The following NLGN1 variants were observed in gnomAD, a reference collection of about 807,000 sequenced individuals.
NLGN1 encodes the protein neuroligin-1.
NLGN1 carries 12 observed loss-of-function variants against 65.5 expected under a neutral mutation model. That is an observed-to-expected ratio of 0.18 (90% CI 0.12 to 0.30). The LOEUF (loss-of-function observed/expected upper bound fraction) is 0.30. Ranked by LOEUF, NLGN1 falls within the 10% of genes least tolerant of loss-of-function variation. The pLI, the probability that NLGN1 is intolerant of heterozygous loss-of-function variation, is 1.00. For synonymous variants in NLGN1, 350 were observed against 359.5 expected (o/e 0.97, Z 0.30); for missense variants, 750 against 1,007.1 (o/e 0.74, Z 3.46).
At chr3:173,679,603 A>T (rs2149778524) in intron 3 of NLGN1, among the ~76,000 whole-genome samples, 1 of 152,270 alleles carries the variant, frequency 6.6e-6, no homozygotes, top group Admixed American at 6.5e-5. Context: ...TTCTCTATGA[A>T]TGTAAAATGA....
Position 173,453,100 on chromosome 3 carries a change from C to CTTT in NLGN1, c.-321+18032_-321+18034dup, listed in dbSNP as rs536453214. ...GTGGCTATGTAATTTCTTTTCTTTT[C>CTTT]TTTTTTTTTTTTGAGAAAGGGTCTC... On this transcript the variant is annotated intron_variant, in intron 2 of 6. Coordinates refer to ENST00000457714, the Ensembl canonical transcript of NLGN1. 2.1e-3 allele frequency among the ~76,000 whole-genome samples: 293 copies of CTTT among 141,708 alleles called. 1 individual carries two copies. The highest frequency in any genetic ancestry group is 7.0e-3 in the African/African-American group (272 of 38,944). 93.0% of individuals were successfully genotyped at this position (141,708 alleles called of 152,430 possible).
intron 3 of NLGN1, among the ~76,000 whole-genome samples, chr3:173,725,672 G>T (rs1771643954): frequency 6.6e-6 from 1 of 152,120 alleles, no homozygotes; most frequent in Non-Finnish European, 1.5e-5. Context: ...CATTTATTAT[G>T]TCAGTTTCTG....
chr3:174,034,269 A>G (rs1038743293), intron 4 of NLGN1, among the ~76,000 whole-genome samples: 1 of 152,046 alleles, frequency 6.6e-6, no homozygotes, highest in African/African-American at 2.4e-5. Context: ...ACAAACAAAA[A>G]CTGAATGAAT....
chr3:173,411,704 A>G (rs1253401879), intron 1 of NLGN1, among the ~76,000 whole-genome samples: 1 of 152,088 alleles, frequency 6.6e-6, no homozygotes, highest in Non-Finnish European at 1.5e-5. Context: ...CCGCCCTCCA[A>G]ACCCCCTCAT....
At chr3:173,476,510 C>T (rs561113217) in intron 2 of NLGN1, among the ~76,000 whole-genome samples, 155 of 152,130 alleles carry the variant, frequency 1.0e-3, no homozygotes, top group African/African-American at 3.6e-3. Flanking sequence ...TCAGAATGAA[C>T]GACCAGAATT....
At chr3:174,232,976 G>A (rs1161466998) in intron 4 of NLGN1, among the ~76,000 whole-genome samples, 1 of 152,174 alleles carries the variant, frequency 6.6e-6, no homozygotes, top group African/African-American at 2.4e-5. Context: ...ATGTGACAAA[G>A]AAATATATTT....
chr3:173,493,207 G>A (rs947530166), intron 2 of NLGN1, among the ~76,000 whole-genome samples: 4 of 151,676 alleles, frequency 2.6e-5, no homozygotes, highest in Non-Finnish European at 5.9e-5. Context: ...CATGCCCCAA[G>A]TCACACAGCT....
chr3:174,269,118 T>C (rs531220982), intron 4 of NLGN1, among the ~76,000 whole-genome samples: 162 of 152,118 alleles, frequency 1.1e-3, no homozygotes, highest in African/African-American at 3.7e-3. Flanking sequence ...GTGTGTGTGC[T>C]TTACCCTCAC....
At chr3:173,475,718 A>G (rs2148945670) in intron 2 of NLGN1, among the ~76,000 whole-genome samples, 1 of 152,278 alleles carries the variant, frequency 6.6e-6, no homozygotes, top group South Asian at 2.1e-4. Flanking sequence ...AATTACCACT[A>G]ATCATTCCTC....
chr3:173,741,981 G>A (rs997306137), intron 3 of NLGN1, among the ~76,000 whole-genome samples: 14 of 152,058 alleles, frequency 9.2e-5, no homozygotes, highest in Non-Finnish European at 1.6e-4. Context: ...AGGCCCTCTG[G>A]TGAATAAGCA....
At chr3:174,128,843 C>A (rs1165416688) in intron 4 of NLGN1, among the ~76,000 whole-genome samples, 1 of 152,070 alleles carries the variant, frequency 6.6e-6, no homozygotes. Flanking sequence ...TATCAATCAC[C>A]CTCCTCACTG....
At chr3:173,436,127 C>T (rs559645760) in intron 2 of NLGN1, among the ~76,000 whole-genome samples, 1 of 152,184 alleles carries the variant, frequency 6.6e-6, no homozygotes, top group African/African-American at 2.4e-5. Flanking sequence ...ACTGAGTGAA[C>T]CCAGCACTTG....
chr3:174,067,269 A>G (rs1181222686), intron 4 of NLGN1, among the ~76,000 whole-genome samples: 2 of 152,166 alleles, frequency 1.3e-5, no homozygotes, highest in Non-Finnish European at 2.9e-5. Context: ...AATTAATCAG[A>G]ATACAAATGG....
chr3:173,939,190 T>C (rs1429669334), intron 4 of NLGN1, among the ~76,000 whole-genome samples: 3 of 152,208 alleles, frequency 2.0e-5, no homozygotes, highest in East Asian at 3.8e-4. Context: ...TGTGTATATA[T>C]GTATAGCCCT....
At chr3:173,498,228 C>T (rs1039058187) in intron 2 of NLGN1, among the ~76,000 whole-genome samples, 10 of 151,548 alleles carry the variant, frequency 6.6e-5, no homozygotes, top group East Asian at 3.9e-4. Context: ...CAACAGTCCC[C>T]GGTGTGTGAT....
chr3:173,794,537 T>A (rs1486440510), intron 3 of NLGN1, among the ~76,000 whole-genome samples: 2 of 152,088 alleles, frequency 1.3e-5, no homozygotes, highest in Non-Finnish European at 2.9e-5. Context: ...GGATAATACT[T>A]GGAAAGTCAG....
intron 3 of NLGN1, among the ~76,000 whole-genome samples, chr3:173,776,182 C>G (rs1425901154): frequency 6.6e-6 from 1 of 151,996 alleles, no homozygotes; most frequent in Non-Finnish European, 1.5e-5. Flanking sequence ...TCAACTTTCT[C>G]CAAATATCGG....
intron 4 of NLGN1, among the ~76,000 whole-genome samples, chr3:174,077,590 C>T (rs560865671): frequency 6.6e-6 from 1 of 151,574 alleles, no homozygotes; most frequent in South Asian, 2.1e-4. Flanking sequence ...GATAGTCTCT[C>T]TCTGTCCCAG....
intron 4 of NLGN1, among the ~76,000 whole-genome samples, chr3:173,919,861 A>G (rs1329863892): frequency 6.6e-6 from 1 of 152,134 alleles, no homozygotes; most frequent in East Asian, 1.9e-4. Flanking sequence ...CTTAATAAAT[A>G]ATAGACATTT....
Sources: allele counts gnomAD v4.1 joint callset (sites outside exome capture counted in the v4.1 genomes callset), GRCh38; gene constraint gnomAD v4.1.1; transcripts MANE v1.5; gene names NCBI Gene and HGNC (gene_info 2026-07-23, HGNC 2026-07-21).